Variants in MAP3K5 observed in about 807,000 individuals in gnomAD.
The protein encoded by MAP3K5 is mitogen-activated protein kinase kinase kinase 5.
Under a neutral mutation model 158.7 loss-of-function variants are expected in MAP3K5, and 56 were observed. That is an observed-to-expected ratio of 0.35 (90% CI 0.28 to 0.44). The LOEUF (loss-of-function observed/expected upper bound fraction) is 0.44. Ranked by LOEUF, MAP3K5 falls within the 20% of genes least tolerant of loss-of-function variation. MAP3K5 has a pLI of 1.00. For synonymous variants in MAP3K5, 579 were observed against 601.7 expected, an observed-to-expected ratio of 0.96 and a Z score of 0.55; for missense variants, 1,294 against 1,674.8, an observed-to-expected ratio of 0.77 and a Z score of 3.97.
intron 26 of MAP3K5, 51 bp from the exon 27 acceptor site, chr6:136,562,666 C>CT (rs761672220): frequency 6.7e-5 from 64 of 948,426 alleles, no homozygotes; most frequent in Middle Eastern, 2.7e-4. Context: ...GGGTGACCTT[C>CT]TTTTTTTTAT....
chr6:136,692,151 C>T (rs940044014), intron 7 of MAP3K5, among the ~76,000 whole-genome samples: 6 of 151,692 alleles, frequency 4.0e-5, no homozygotes, highest in African/African-American at 9.7e-5. Flanking sequence ...AAGCCATCTT[C>T]GCACCTCAGC....
At chr6:136,732,366 A>C (rs1273748531) in intron 1 of MAP3K5, among the ~76,000 whole-genome samples, 1 of 152,196 alleles carries the variant, frequency 6.6e-6, no homozygotes, top group Non-Finnish European at 1.5e-5. Flanking sequence ...TGGAAGTTGC[A>C]GTGAGCTGAG....
chr6:136,783,133 A>G (rs1207917107), intron 1 of MAP3K5, among the ~76,000 whole-genome samples: 4 of 152,132 alleles, frequency 2.6e-5, no homozygotes, highest in Admixed American at 2.6e-4. Context: ...GTAAAACCCC[A>G]TCTCTACATA....
chr6:136,657,883 A>G (rs1778818514), intron 9 of MAP3K5, among the ~76,000 whole-genome samples: 1 of 152,232 alleles, frequency 6.6e-6, no homozygotes, highest in Non-Finnish European at 1.5e-5. Flanking sequence ...GTGTGACAAG[A>G]GCCGAGGCTG....
At chr6:136,746,961 TGA>T (rs1001246604) in intron 1 of MAP3K5, among the ~76,000 whole-genome samples, 8 of 152,258 alleles carry the variant, frequency 5.3e-5, no homozygotes, top group African/African-American at 1.9e-4. Flanking sequence ...TTCGTTTTTT[TGA>T]GAGACAGGGT....
chr6:136,682,973 A>T (rs1779997819), intron 7 of MAP3K5, among the ~76,000 whole-genome samples: 1 of 152,238 alleles, frequency 6.6e-6, no homozygotes, highest in Non-Finnish European at 1.5e-5. Flanking sequence ...AGAACAAGGG[A>T]AATTTAATAT....
intron 1 of MAP3K5, among the ~76,000 whole-genome samples, chr6:136,748,383 C>T (rs1783053047): frequency 6.6e-6 from 1 of 152,168 alleles, no homozygotes; most frequent in Non-Finnish European, 1.5e-5. Context: ...TGCTCAAGGT[C>T]ATCACCAAGG....
intron 20 of MAP3K5, 23 bp downstream of exon 20, chr6:136,601,779 T>G (rs370751718): frequency 6.2e-7 from 1 of 1,611,736 alleles, no homozygotes; most frequent in Middle Eastern, 1.7e-4. Context: ...TCAGACTATA[T>G]CCTCTTCAAT....
rs1380668310 is a variant in MAP3K5 at position 136,561,620 on chromosome 6, A to G, written c.3900T>C (p.His1300=). ...PIEIPELPVF[H]LNSSGTNTED... is the part of the protein sequence containing the mutation. ...CAGTATTTGTGCCAGAAGAATTTAG[A>G]TGAAATACAGGCAATTCAGGAATTT... is the stretch of plus-strand genomic sequence containing the variant. The change falls in exon 28 of 30, where the codon CAT becomes CAC. Residue 1300 remains histidine, a synonymous_variant. Transcript: ENST00000359015. 11 of 1,612,092 alleles carry G rather than the reference A, an allele frequency of 6.8e-6. No individual in the cohort carries two copies. The highest frequency in any genetic ancestry group is 9.3e-6 in the Non-Finnish European group (11 of 1,178,254).
intron 7 of MAP3K5, among the ~76,000 whole-genome samples, chr6:136,688,324 C>T (rs370467779): frequency 7.3e-4 from 111 of 152,024 alleles, no homozygotes; most frequent in Middle Eastern, 6.8e-3. Flanking sequence ...ATGTAGATGA[C>T]GGGTTGATGG....
At chr6:136,664,125 T>C (rs1221669817) in intron 8 of MAP3K5, among the ~76,000 whole-genome samples, 2 of 152,144 alleles carry the variant, frequency 1.3e-5, no homozygotes, top group East Asian at 3.9e-4. Context: ...CCATTCCCCA[T>C]TGCTCTTATT....
At chr6:136,751,217 T>C (rs1295154516) in intron 1 of MAP3K5, among the ~76,000 whole-genome samples, 2 of 151,952 alleles carry the variant, frequency 1.3e-5, no homozygotes, top group African/African-American at 4.8e-5. Context: ...AGGCCCATTA[T>C]CCTGAACCTT....
chr6:136,604,339 A>C (rs993775674), intron 19 of MAP3K5, among the ~76,000 whole-genome samples: 6 of 151,986 alleles, frequency 3.9e-5, no homozygotes, highest in African/African-American at 1.4e-4. Context: ...AAAAAGAAGA[A>C]AGAAAGAAAG....
At chr6:136,679,781 C>T (rs1046598046) in intron 7 of MAP3K5, among the ~76,000 whole-genome samples, 1 of 152,008 alleles carries the variant, frequency 6.6e-6, no homozygotes, top group Non-Finnish European at 1.5e-5. Context: ...TTTTTCAAAA[C>T]CACAATTTTC....
chr6:136,566,841 T>A (rs866892369), intron 26 of MAP3K5, among the ~76,000 whole-genome samples: 1 of 152,356 alleles, frequency 6.6e-6, no homozygotes. Context: ...GGAAATAAGA[T>A]ATTTTTAATC....
intron 15 of MAP3K5, among the ~76,000 whole-genome samples, chr6:136,622,593 C>A (rs543356846): frequency 6.6e-6 from 1 of 152,244 alleles, no homozygotes; most frequent in East Asian, 1.9e-4. Context: ...ATAATACATC[C>A]ACCTTTATCC....
intron 1 of MAP3K5, among the ~76,000 whole-genome samples, chr6:136,740,344 A>G (rs1782659109): frequency 6.6e-6 from 1 of 151,964 alleles, no homozygotes; most frequent in Non-Finnish European, 1.5e-5. Context: ...TGGAATCTAC[A>G]TCTTCCTCCA....
intron 8 of MAP3K5, among the ~76,000 whole-genome samples, chr6:136,660,404 T>A (rs1463966229): frequency 6.7e-6 from 1 of 149,776 alleles, no homozygotes; most frequent in African/African-American, 2.5e-5. Flanking sequence ...AAATTTAAAA[T>A]CTAAAAAAAA....
chr6:136,731,160 C>T (rs1782208624), intron 1 of MAP3K5, among the ~76,000 whole-genome samples: 1 of 152,138 alleles, frequency 6.6e-6, no homozygotes, highest in Non-Finnish European at 1.5e-5. Flanking sequence ...AAGGGGTCTT[C>T]TGGGGTGCTG....
Sources: allele counts gnomAD v4.1 joint callset (sites outside exome capture counted in the v4.1 genomes callset), GRCh38; gene constraint gnomAD v4.1.1; transcripts MANE v1.5; gene names NCBI Gene and HGNC (gene_info 2026-07-23, HGNC 2026-07-21).